ECT2: variants seen among roughly 807,000 people sequenced by gnomAD.
ECT2 encodes epithelial cell transforming 2.
In ECT2, 61 loss-of-function variants were observed where a neutral mutation model predicts 116.9. That is an observed-to-expected ratio of 0.52 (90% CI 0.42 to 0.65). The LOEUF is 0.65. Ranked by LOEUF, ECT2 falls within the 30% of genes least tolerant of loss-of-function variation. ECT2 has a pLI of 0.00. For missense variants in ECT2, 937 were observed against 1,078.7 expected, an observed-to-expected ratio of 0.87 and a Z score of 1.84; for synonymous variants, 358 against 346.4, an observed-to-expected ratio of 1.03 and a Z score of -0.37.
chr3:172,820,299 G>T lies in ECT2; in HGVS notation c.*62G>T. On this transcript the variant is annotated 3_prime_UTR_variant, in exon 25 of 25. Transcript: ENST00000392692. ...ACACCTCATACTCAAATAAGAAACT[G>T]ACTTAAATGGTACTTGTAATTAGCA... is the stretch of plus-strand genomic sequence containing the variant. The T allele has an allele frequency of 8.5e-7, 1 of 1,171,982 alleles. No homozygotes were observed. The highest frequency in any genetic ancestry group is 1.8e-5 in the South Asian group (1 of 55,866). The allele number at this position is 1,171,982 out of a possible 1,614,324, so 72.6% of individuals were successfully genotyped here.
chr3:172,807,929 G>A lies in ECT2; in HGVS notation c.2400+5G>A, dbSNP rs1384513012. 6.2e-7 allele frequency: 1 copy of A among 1,612,120 alleles called. No homozygotes were observed. The highest frequency in any genetic ancestry group is 1.7e-5 in the Admixed American group (1 of 59,776). ...ACCATTTGTAAAGCAGATGCTGTAA[G>A]TTCTTAAAACAGTATTATAATGAAA... On this transcript the variant is annotated splice_donor_5th_base_variant and intron_variant, in intron 22 of 24. Coordinates refer to ENST00000392692, the MANE Select transcript of ECT2 (RefSeq NM_001258315.2).
rs751641551 is a variant in ECT2, at chr3:172,784,756, T to C, written c.1778T>C (p.Leu593Pro). 6.2e-7 allele frequency: 1 copy of C among 1,613,686 alleles called. No homozygotes were observed. Among genetic ancestry groups the C allele is most frequent in the Non-Finnish European group, 8.5e-7 (1 of 1,179,606 alleles). Residue 593 changes from leucine (L) to proline (P), a missense_variant, in exon 17 of 25, where the codon CTT becomes CCT. Leu to Pro is a moderately conservative substitution (Grantham distance 98, BLOSUM62 -3). Coordinates refer to ENST00000392692, the MANE Select transcript of ECT2 (RefSeq NM_001258315.2). ...GGACGGCAGAGCCTTGTTGAACTTC[T>C]TATCCGACCAGTACAGAGGTTACCC... ...ECGRQSLVEL[L>P]IRPVQRLPSV...
intron 4 of ECT2, 149 bp from the exon 5 acceptor site, chr3:172,756,834 G>C: frequency 1.6e-6 from 1 of 640,726 alleles, no homozygotes; most frequent in Non-Finnish European, 2.5e-6. Flanking sequence ...TAAGTGTAAT[G>C]CTGATTATTG....
chr3:172,804,005 G>A (rs574606460), intron 20 of ECT2, among the ~76,000 whole-genome samples: 11 of 151,928 alleles, frequency 7.2e-5, no homozygotes, highest in South Asian at 2.1e-4. Flanking sequence ...TGCATGTTGC[G>A]CAGGCTGGTC....
intron 18 of ECT2, among the ~76,000 whole-genome samples, chr3:172,792,088 T>A (rs1724780412): frequency 6.6e-6 from 1 of 152,182 alleles, no homozygotes; most frequent in Non-Finnish European, 1.5e-5. Flanking sequence ...CACACACACT[T>A]ATCAATTAGG....
chr3:172,761,360 A>G (rs34628732), intron 7 of ECT2, among the ~76,000 whole-genome samples: 20,788 of 152,186 alleles, frequency 0.14, 1,694 homozygotes, highest in Non-Finnish European at 0.18. Flanking sequence ...TAGAAATTTA[A>G]TAAAGATGAA....
intron 12 of ECT2, among the ~76,000 whole-genome samples, chr3:172,765,384 A>G (rs1018661551): frequency 1.8e-4 from 27 of 152,112 alleles, no homozygotes; most frequent in Non-Finnish European, 3.5e-4. Context: ...TTATCGTAGT[A>G]AAATCTATGG....
At position 172,816,760 on chromosome 3, in the gene ECT2, G is replaced by T; in HGVS notation, c.2578G>T (p.Gly860Cys). Residue 860 changes from glycine to cysteine, a missense_variant, in exon 24 of 25, where the codon GGC (glycine) becomes TGC (cysteine). Physicochemically the swap from Gly to Cys is radical, Grantham distance 159. Transcript: ENST00000392692. ...ALRRALMTSH[G>C]SVEGRSPSSN... is the part of the protein sequence containing the mutation. ...TCGAAGGGCTCTTATGACATCCCAC[G>T]GCTCAGTGGAGGGAAGAAGTCCTTC... The T allele has an allele frequency of 6.2e-7, 1 of 1,610,838 alleles. No individual in the cohort carries two copies. Among genetic ancestry groups the T allele is most frequent in the Non-Finnish European group, 8.5e-7 (1 of 1,177,828 alleles).
intron 16 of ECT2, among the ~76,000 whole-genome samples, 175 bp downstream of exon 16, chr3:172,784,084 T>C (rs936639332): frequency 3.9e-5 from 6 of 152,190 alleles, no homozygotes; most frequent in Non-Finnish European, 7.4e-5. Context: ...CTTTGATATA[T>C]TCAGTGTTAG....
At position 172,762,896 on chromosome 3, in the gene ECT2, T is replaced by C; in HGVS notation, c.1006-14T>C. 1 of 1,613,262 alleles carries C rather than the reference T, an allele frequency of 6.2e-7. No individual in the cohort carries two copies. Among genetic ancestry groups the C allele is most frequent in the South Asian group, 1.1e-5 (1 of 90,974 alleles). ...ATGTAAACTGTTTATTAAAATGTTT[T>C]TTCTCTCACCTAGTGGTTCTGGGGA... On this transcript the variant is annotated splice_polypyrimidine_tract_variant and intron_variant, in intron 10 of 24. Transcript: ENST00000392692.
In ECT2 at chr3:172,784,734, C is replaced by A. The variant is rs750712714; in HGVS notation, c.1756C>A (p.Arg586=). The A allele has an allele frequency of 6.2e-7, 1 of 1,613,344 alleles. No homozygotes were observed. Residue 586 remains arginine, a synonymous_variant, in exon 17 of 25, where the codon CGG becomes AGG. Coordinates refer to ENST00000392692, the MANE Select transcript of ECT2 (RefSeq NM_001258315.2). Reference sequence around the variant, plus strand: ...AAACCAAGCAAAACCAGAATGTGGACGGCAGAGCCTTGTTGAACTTCTTAT... The same window carrying A: ...AAACCAAGCAAAACCAGAATGTGGAAGGCAGAGCCTTGTTGAACTTCTTAT... ...KINQAKPECG[R]QSLVELLIRP...
At chr3:172,769,502 TG>T (rs1202026971) in intron 13 of ECT2, among the ~76,000 whole-genome samples, 2 of 152,168 alleles carry the variant, frequency 1.3e-5, no homozygotes, top group African/African-American at 4.8e-5. Flanking sequence ...TGAGAGTCAT[TG>T]CTTTGTTTTT....
intron 18 of ECT2, among the ~76,000 whole-genome samples, chr3:172,801,550 C>T (rs918270348): frequency 1.2e-4 from 19 of 152,188 alleles, no homozygotes; most frequent in Admixed American, 1.0e-3. Context: ...GAACTGTGTA[C>T]ATAAGGAAGC....
chr3:172,760,524 C>T (rs1231601237), intron 7 of ECT2, among the ~76,000 whole-genome samples: 1 of 151,648 alleles, frequency 6.6e-6, no homozygotes, highest in Non-Finnish European at 1.5e-5. Context: ...TTAAGTGATC[C>T]TCCTGCCTTG....
At position 172,805,822 on chromosome 3, in the gene ECT2, T is replaced by C; in HGVS notation, c.2198T>C (p.Met733Thr). 1 of 1,613,804 alleles carries C rather than the reference T, an allele frequency of 6.2e-7. No homozygotes were observed. Among genetic ancestry groups the C allele is most frequent in the Non-Finnish European group, 8.5e-7 (1 of 1,179,816 alleles). ...GCTTCTCTTAAGCATATTCACCTAATGCCTCTTTCTCAGATTAAGAAGGTA... is the reference window on the plus strand; with the variant it reads ...GCTTCTCTTAAGCATATTCACCTAACGCCTCTTTCTCAGATTAAGAAGGTA... ...PPASLKHIHL[M>T]PLSQIKKVLD... Residue 733 changes from methionine to threonine, a missense_variant, in exon 21 of 25, where the codon ATG (methionine) becomes ACG (threonine). Coordinates refer to ENST00000392692, the MANE Select transcript of ECT2 (RefSeq NM_001258315.2).
At chr3:172,797,018 C>CTGTGTGTGTGTGTGTGTGTGTG (rs57188529) in intron 18 of ECT2, among the ~76,000 whole-genome samples, 59 of 139,120 alleles carry the variant, frequency 4.2e-4, no homozygotes, top group African/African-American at 1.1e-3. Flanking sequence ...TCAGGTTCAA[C>CTGTGTGTGTGTGTGTGTGTGTG]TGTGTGTGTG....
chr3:172,800,095 C>T (rs1726443011), intron 18 of ECT2, among the ~76,000 whole-genome samples: 1 of 152,186 alleles, frequency 6.6e-6, no homozygotes, highest in Non-Finnish European at 1.5e-5. Flanking sequence ...GATTGATTAG[C>T]TTTGCTGTCA....
intron 18 of ECT2, among the ~76,000 whole-genome samples, chr3:172,801,099 T>C (rs1726631020): frequency 6.6e-6 from 1 of 152,234 alleles, no homozygotes; most frequent in Admixed American, 6.5e-5. Flanking sequence ...GTTTACTAAT[T>C]CACTTATCTC....
intron 24 of ECT2, among the ~76,000 whole-genome samples, chr3:172,817,583 A>C (rs1381711584): frequency 6.6e-6 from 1 of 152,086 alleles, no homozygotes; most frequent in African/African-American, 2.4e-5. Flanking sequence ...GGATGATACG[A>C]GTTCTAAATT....
Sources: gnomAD v4.1 joint callset for allele counts (sites outside exome capture counted in the v4.1 genomes callset) on GRCh38, gnomAD v4.1.1 for gene constraint, MANE v1.5 for transcripts, NCBI Gene and HGNC (gene_info 2026-07-23, HGNC 2026-07-21) for gene names.